The following LGI1 variants were observed in gnomAD, a reference collection of about 807,000 sequenced individuals.
The protein encoded by LGI1 is leucine rich glioma inactivated 1.
LGI1 carries 11 observed loss-of-function variants against 57.7 expected under a neutral mutation model. The ratio of observed to expected loss-of-function variants is 0.19; its 90% CI spans 0.12 to 0.32. LGI1 has a LOEUF of 0.32. Ranked by LOEUF, LGI1 falls within the 10% of genes least tolerant of loss-of-function variation. The pLI is 1.00. For missense variants in LGI1, 422 were observed against 661.9 expected, an observed-to-expected ratio of 0.64 and a Z score of 3.98; for synonymous variants, 222 against 241.9, an observed-to-expected ratio of 0.92 and a Z score of 0.76.
intron 4 of LGI1, chr10:93,788,348 G>T (rs2059907695): frequency 1.3e-5 from 2 of 152,206 alleles, no homozygotes; most frequent in South Asian, 4.1e-4. Context: ...TCTAAACGTT[G>T]TTTCTTGGAC....
intron 2 of LGI1, among the ~76,000 whole-genome samples, chr10:93,765,969 C>CAAAAAAAA (rs35644716): frequency 3.2e-5 from 3 of 95,040 alleles, no homozygotes; most frequent in African/African-American, 4.0e-5. Context: ...GCCTCCGTCT[C>CAAAAAAAA]AAAAAAAAAA....
rs567462220 is a variant in LGI1 at position 93,774,197 on chromosome 10, A to G, written c.288-3182A>G. ...TTTTGACTGACTTGGCAAGCTTACC[A>G]TGTGCAACCCTGGCTGCATATGAGT... On this transcript the variant is annotated intron_variant, in intron 2 of 7. Transcript: ENST00000371418. Among the ~76,000 whole-genome samples, 14 of 152,282 alleles carry G rather than the reference A, an allele frequency of 9.2e-5. No individual in the cohort carries two copies. In the South Asian group the frequency reaches 2.7e-3, roughly 29 times the overall value.
intron 4 of LGI1, among the ~76,000 whole-genome samples, chr10:93,779,385 G>A (rs2059824934): frequency 7.4e-6 from 1 of 134,788 alleles, no homozygotes; most frequent in African/African-American, 2.8e-5. Context: ...AAGGAAGGAG[G>A]GAAGGAAAGA....
chr10:93,792,827 A>G lies in LGI1; in HGVS notation c.588A>G (p.Glu196=), dbSNP rs149816434. 1.7e-5 allele frequency: 28 copies of G among 1,613,990 alleles called. No homozygotes were observed. In the African/African-American group the frequency reaches 3.7e-4, roughly 22 times the overall value. Residue 196 remains glutamate (E), a synonymous_variant, in exon 6 of 8, where the codon GAA becomes GAG. Transcript: ENST00000371418. ...EWLGHTNATV[E]DIYCEGPPEY... ...TTGGCCACACCAATGCAACTGTTGA[A>G]GACATCTACTGCGAAGGCCCCCCAG...
intron 7 of LGI1, among the ~76,000 whole-genome samples, chr10:93,796,406 A>T (rs1167345196): frequency 1.3e-5 from 2 of 152,174 alleles, no homozygotes; most frequent in Non-Finnish European, 2.9e-5. Context: ...AAGTCCTGGA[A>T]TAGCTAACTT....
At chr10:93,786,942 C>T (rs1185843856) in intron 4 of LGI1, among the ~76,000 whole-genome samples, 1 of 152,202 alleles carries the variant, frequency 6.6e-6, no homozygotes, top group African/African-American at 2.4e-5. Context: ...GTCAGCATTG[C>T]TTTCCTAAGT....
Position 93,758,610 on chromosome 10 carries a change from C to T in LGI1, c.216-150C>T. ...TGTAGCCGATTCATTTCTCTTACTT[C>T]ATCTGGGAAGGAATAGTATCGTACT... is the stretch of plus-strand genomic sequence containing the variant. On this transcript the variant is annotated intron_variant, in intron 1 of 7. Coordinates refer to ENST00000371418, the MANE Select transcript of LGI1 (RefSeq NM_005097.4). The surrounding 1 kb of genome is among the most constrained non-coding windows in gnomAD (Gnocchi z 4.7). The T allele has an allele frequency of 5.7e-6, 4 of 704,368 alleles. No homozygotes were observed. Among genetic ancestry groups the T allele is most frequent in the South Asian group, 5.0e-5 (3 of 60,224 alleles). 43.6% of individuals were successfully genotyped at this position (704,368 alleles called of 1,614,324 possible). A position where few individuals can be genotyped will look rare whatever the true frequency, so the allele number is the denominator to read the frequency against.
At chr10:93,765,847 G>A (rs574572849) in intron 2 of LGI1, among the ~76,000 whole-genome samples, 18 of 151,986 alleles carry the variant, frequency 1.2e-4, no homozygotes, top group Non-Finnish European at 2.5e-4. Flanking sequence ...GCGGGCGCCT[G>A]TAGTCCCAGC....
rs1431503888 is a variant in LGI1, at chr10:93,777,536, C to T, written c.360-10C>T. Reference sequence around the variant, plus strand: ...AACTGTTTGACAAAAAATATTATAACTTATTGCAGATTCATAGAAAACAAC... The same window carrying T: ...AACTGTTTGACAAAAAATATTATAATTTATTGCAGATTCATAGAAAACAAC... On this transcript the variant is annotated splice_polypyrimidine_tract_variant and intron_variant, in intron 3 of 7. Coordinates refer to ENST00000371418, the MANE Select transcript of LGI1 (RefSeq NM_005097.4). The T allele has an allele frequency of 6.2e-7, 1 of 1,612,386 alleles. No homozygotes were observed. The highest frequency in any genetic ancestry group is 8.5e-7 in the Non-Finnish European group (1 of 1,178,610).
intron 2 of LGI1, among the ~76,000 whole-genome samples, chr10:93,773,517 C>T (rs1233117172): frequency 6.6e-6 from 1 of 152,164 alleles, no homozygotes; most frequent in Admixed American, 6.5e-5. Context: ...GAGTCTATGA[C>T]ATGTAGGCTA....
intron 4 of LGI1, among the ~76,000 whole-genome samples, chr10:93,779,282 A>G (rs1024312352): frequency 3.3e-5 from 5 of 150,994 alleles, no homozygotes; most frequent in African/African-American, 7.4e-5. Flanking sequence ...GCACAGCCCA[A>G]TTCATCCAGC....
chr10:93,774,302 T>C (rs756572573), intron 2 of LGI1, among the ~76,000 whole-genome samples: 10 of 152,154 alleles, frequency 6.6e-5, no homozygotes, highest in Non-Finnish European at 1.2e-4. Flanking sequence ...GGGAACCAAG[T>C]ATCAGTATTT....
chr10:93,766,411 C>T (rs7915994), intron 2 of LGI1, among the ~76,000 whole-genome samples: 46,912 of 151,632 alleles, frequency 0.31, 7,980 homozygotes, highest in Non-Finnish European at 0.39. Flanking sequence ...TGAGAATTGT[C>T]TTCATTGCCA....
intron 2 of LGI1, chr10:93,777,080 T>C (rs766745198): frequency 2.0e-6 from 1 of 502,598 alleles, no homozygotes; most frequent in Non-Finnish European, 3.6e-6. Context: ...ATGTAAAATG[T>C]TGCTTTGGCT....
chr10:93,796,668 C>A (rs953307459), intron 7 of LGI1, among the ~76,000 whole-genome samples: 1 of 152,210 alleles, frequency 6.6e-6, no homozygotes, highest in African/African-American at 2.4e-5. Context: ...CTAATGCTTT[C>A]TTTCTGCAAG....
chr10:93,766,396 T>C (rs2059678397), intron 2 of LGI1, among the ~76,000 whole-genome samples: 1 of 152,106 alleles, frequency 6.6e-6, no homozygotes, highest in Non-Finnish European at 1.5e-5. Flanking sequence ...TTCTGGACCC[T>C]CCTTTGAGAA....
intron 4 of LGI1, among the ~76,000 whole-genome samples, chr10:93,785,720 A>ACCACCACATGGCACACAAAAGGGT (rs1461436310): frequency 2.1e-5 from 1 of 48,768 alleles, no homozygotes; most frequent in African/African-American, 2.9e-5. Context: ...AATTTTATCC[A>ACCACCACATGGCACACAAAAGGGT]GGTATTTTGC....
intron 2 of LGI1, chr10:93,763,538 T>C (rs766711346): frequency 1.3e-5 from 2 of 152,240 alleles, no homozygotes; most frequent in Non-Finnish European, 2.9e-5. Flanking sequence ...TCCATCGATT[T>C]TGTGCTGAAG....
At chr10:93,783,289 T>G (rs190363972) in intron 4 of LGI1, among the ~76,000 whole-genome samples, 5 of 152,030 alleles carry the variant, frequency 3.3e-5, no homozygotes, top group Non-Finnish European at 7.4e-5. Context: ...GGCGGGAGAA[T>G]GGCGTGAACC....
Sources: gnomAD v4.1 joint callset for allele counts (sites outside exome capture counted in the v4.1 genomes callset) on GRCh38, gnomAD v4.1.1 for gene constraint, Gnocchi (gnomAD v3.1) non-coding constraint, MANE v1.5 for transcripts, NCBI Gene and HGNC (gene_info 2026-07-23, HGNC 2026-07-21) for gene names.